Variants in TDRD3 observed in about 807,000 individuals in gnomAD.
TDRD3 encodes the protein tudor domain-containing protein 3.
A neutral mutation model predicts 86.7 loss-of-function variants in TDRD3; 45 were observed. The ratio of observed to expected loss-of-function variants is 0.52; its 90% CI spans 0.41 to 0.67. The LOEUF is 0.67. Ranked by LOEUF, TDRD3 falls within the 30% of genes least tolerant of loss-of-function variation. The probability of loss-of-function intolerance (pLI) is 0.00; values close to 1 mark genes in which losing one functional copy is unlikely to be tolerated. For missense variants in TDRD3, 814 were observed against 889.0 expected (o/e 0.92, Z 1.07); for synonymous variants, 298 against 301.7 (o/e 0.99, Z 0.13).
chr13:60,566,404 T>G (rs372117827), intron 12 of TDRD3, among the ~76,000 whole-genome samples: 13 of 152,122 alleles, frequency 8.5e-5, no homozygotes, highest in African/African-American at 3.1e-4. Context: ...ATTGCAGTAA[T>G]TGGATCTATA....
Position 60,494,435 on chromosome 13 carries a change from AC to A in TDRD3, c.720del (p.Lys241ArgfsTer16). 1 of 1,612,698 alleles carries A rather than the reference AC, an allele frequency of 6.2e-7. No homozygotes were observed. The highest frequency in any genetic ancestry group is 8.5e-7 in the Non-Finnish European group (1 of 1,179,210). On this transcript the variant is annotated frameshift_variant and splice_region_variant, in exon 8 of 14. Transcript: ENST00000377881. LOFTEE classifies it high-confidence loss of function. The part of the protein sequence containing the change: ...AIAEVAKSKE[T>X]KTFGGGGGGA... ...TCTTTTATCTTTCTCTTATGTAAAG[AC>A]CAAGACATTTGGAGGAGGTGGTGGT...
chr13:60,560,288 T>C (rs144776344), intron 12 of TDRD3, among the ~76,000 whole-genome samples: 1 of 152,280 alleles, frequency 6.6e-6, no homozygotes, highest in Non-Finnish European at 1.5e-5. Context: ...TTAAATAAGA[T>C]AACATGCAAA....
intron 10 of TDRD3, among the ~76,000 whole-genome samples, chr13:60,519,367 A>G (rs948704262): frequency 5.3e-5 from 8 of 152,298 alleles, no homozygotes; most frequent in Middle Eastern, 3.4e-3. Context: ...TAATATTTGT[A>G]TTAAAGCAAA....
At chr13:60,544,214 C>T (rs1028589676) in intron 12 of TDRD3, among the ~76,000 whole-genome samples, 3 of 151,078 alleles carry the variant, frequency 2.0e-5, no homozygotes, top group Non-Finnish European at 2.9e-5. Flanking sequence ...TTTGGGAGGC[C>T]GAGACAGGAG....
chr13:60,463,793 A>G (rs1721331726), intron 4 of TDRD3, among the ~76,000 whole-genome samples: 1 of 152,216 alleles, frequency 6.6e-6, no homozygotes, highest in Non-Finnish European at 1.5e-5. Flanking sequence ...ACAATGAGAG[A>G]TCATCTCACA....
At chr13:60,488,780 T>A (rs1401128502) in intron 7 of TDRD3, among the ~76,000 whole-genome samples, 1 of 152,116 alleles carries the variant, frequency 6.6e-6, no homozygotes, top group Non-Finnish European at 1.5e-5. Context: ...GGTTTCACCA[T>A]GTTGGCCAGG....
At chr13:60,444,403 G>A (rs1301827523) in intron 2 of TDRD3, among the ~76,000 whole-genome samples, 2 of 151,762 alleles carry the variant, frequency 1.3e-5, no homozygotes, top group Non-Finnish European at 3.0e-5. Flanking sequence ...ATTAAGTTTT[G>A]GATTTTAATA....
chr13:60,404,305 T>G (rs1256328836), intron 1 of TDRD3, among the ~76,000 whole-genome samples: 1 of 151,524 alleles, frequency 6.6e-6, no homozygotes, highest in East Asian at 1.9e-4. Context: ...GTTGTTGGTT[T>G]GTTTGCTTTT....
chr13:60,541,146 A>ATTCTTTCTTTCTTTCTTTCT (rs138633350), intron 12 of TDRD3, among the ~76,000 whole-genome samples: 13 of 149,926 alleles, frequency 8.7e-5, no homozygotes, highest in South Asian at 6.4e-4. Context: ...TTGTTTTTCT[A>ATTCTTTCTTTCTTTCTTTCT]TTCTTTCTTT....
intron 1 of TDRD3, 127 bp from the exon 2 acceptor site, chr13:60,439,561 C>A: frequency 1.5e-6 from 1 of 654,990 alleles, no homozygotes; most frequent in Admixed American, 3.1e-5. Context: ...AATCCATATC[C>A]AAGACTCTTT....
At chr13:60,479,169 CT>C (rs1482451617) in intron 5 of TDRD3, among the ~76,000 whole-genome samples, 3 of 152,200 alleles carry the variant, frequency 2.0e-5, no homozygotes, top group African/African-American at 7.2e-5. Context: ...CCTCTTATCA[CT>C]GCTTTAGCAG....
intron 7 of TDRD3, among the ~76,000 whole-genome samples, chr13:60,492,644 G>A (rs1377294504): frequency 6.6e-6 from 1 of 151,886 alleles, no homozygotes; most frequent in Admixed American, 6.5e-5. Flanking sequence ...CGTTTTTCTA[G>A]TTATACAAGT....
chr13:60,407,098 T>C (rs1954253729), intron 1 of TDRD3, among the ~76,000 whole-genome samples: 1 of 152,208 alleles, frequency 6.6e-6, no homozygotes, highest in South Asian at 2.1e-4. Context: ...GAATTTGGAA[T>C]TGACTCAGTT....
chr13:60,430,486 AG>A (rs1206119678), intron 1 of TDRD3, among the ~76,000 whole-genome samples: 3 of 152,160 alleles, frequency 2.0e-5, no homozygotes, highest in Non-Finnish European at 4.4e-5. Context: ...TTTATTAAAA[AG>A]TAACCCCAGT....
chr13:60,421,226 C>T (rs1199442296), intron 1 of TDRD3, among the ~76,000 whole-genome samples: 3 of 152,112 alleles, frequency 2.0e-5, no homozygotes, highest in Non-Finnish European at 4.4e-5. Flanking sequence ...CTCACAGTTC[C>T]ATATGGCTCA....
rs181569802 is a variant in TDRD3 at position 60,416,945 on chromosome 13, A to G, written c.41+19540A>G. ...TTCCCTGGCTTTTCTTAGTTTCCTT[A>G]TTGGTACTAACAAAGTTCTATCTTT... On this transcript the variant is annotated intron_variant, in intron 1 of 13. Coordinates refer to ENST00000377881, the MANE Select transcript of TDRD3 (RefSeq NM_001146070.2). Among the ~76,000 whole-genome samples, 444 of 148,994 alleles carry G rather than the reference A, an allele frequency of 3.0e-3. 2 individuals are homozygous for G. Among genetic ancestry groups the G allele is most frequent in the African/African-American group, 9.6e-3 (388 of 40,442 alleles).
intron 6 of TDRD3, 77 bp from the exon 7 acceptor site, chr13:60,485,719 TGAA>T: frequency 2.6e-6 from 3 of 1,137,124 alleles, no homozygotes; most frequent in Non-Finnish European, 3.5e-6. Context: ...AAGATACTTT[TGAA>T]GAAGTATTAC....
intron 1 of TDRD3, among the ~76,000 whole-genome samples, chr13:60,407,158 C>T (rs952532104): frequency 6.6e-6 from 1 of 152,148 alleles, no homozygotes; most frequent in African/African-American, 2.4e-5. Flanking sequence ...GTTTAGGTGT[C>T]CATAACATTG....
chr13:60,446,733 G>A (rs1055933431), intron 3 of TDRD3, among the ~76,000 whole-genome samples: 1 of 151,872 alleles, frequency 6.6e-6, no homozygotes, highest in Non-Finnish European at 1.5e-5. Flanking sequence ...TTAAACCAGA[G>A]TACATATTCA....
Sources: gnomAD v4.1 joint callset for allele counts (sites outside exome capture counted in the v4.1 genomes callset) on GRCh38, gnomAD v4.1.1 for gene constraint, MANE v1.5 for transcripts, NCBI Gene and HGNC (gene_info 2026-07-23, HGNC 2026-07-21) for gene names.